HMCN1: variants seen among roughly 807,000 people sequenced by gnomAD.
HMCN1 encodes the protein hemicentin 1, also known as hemicentin-1.
A neutral mutation model predicts 625.9 loss-of-function variants in HMCN1; 321 were observed. The observed-to-expected ratio is 0.51, with a 90% CI of 0.47 to 0.56. The LOEUF is 0.56. Ranked by LOEUF, HMCN1 falls within the 20% of genes least tolerant of loss-of-function variation. The pLI is 0.00. For synonymous variants in HMCN1, 2,425 were observed against 2,417.6 expected, an observed-to-expected ratio of 1.00 and a Z score of -0.09; for missense variants, 6,588 against 6,887.3, an observed-to-expected ratio of 0.96 and a Z score of 1.54.
intron 1 of HMCN1, among the ~76,000 whole-genome samples, chr1:185,736,715 A>G (rs1317997661): frequency 1.3e-5 from 2 of 152,192 alleles, no homozygotes; most frequent in African/African-American, 2.4e-5. Context: ...CTGCCTTTCA[A>G]TTGTTACCAA....
At chr1:186,147,869 G>A (rs1571419131) in intron 93 of HMCN1, among the ~76,000 whole-genome samples, 2 of 152,330 alleles carry the variant, frequency 1.3e-5, no homozygotes, top group Admixed American at 1.3e-4. Flanking sequence ...GTTGATGGCT[G>A]CTGACTGATC....
rs571244196 is a variant in HMCN1 at position 185,953,754 on chromosome 1, G to A, written c.1829-8764G>A. On this transcript the variant is annotated intron_variant, in intron 11 of 106. Transcript: ENST00000271588. ...GGGAGGTCCCCCGATCCGAGTCACG[G>A]CACCAAATTTCATGCGCATCCGTGT... Among the ~76,000 whole-genome samples, 30 of 151,824 alleles carry A rather than the reference G, an allele frequency of 2.0e-4. 1 individual carries two copies. Among genetic ancestry groups the A allele is most frequent in the African/African-American group, 6.1e-4 (25 of 41,230 alleles).
chr1:186,081,239 C>A lies in HMCN1; in HGVS notation c.8632C>A (p.Leu2878Ile). 6.2e-7 allele frequency: 1 copy of A among 1,613,852 alleles called. No individual in the cohort carries two copies. ...PPIIKGANSD[L>I]PEEVTVLVNK... ...AATTATCAAGGGAGCAAATAGTGAT[C>A]TCCCTGAAGAGGTCACCGTGCTGGT... The change falls in exon 56 of 107, where the codon CTC becomes ATC. Residue 2878 changes from leucine to isoleucine, a missense_variant. Physicochemically the swap from Leu to Ile is conservative, Grantham distance 5 (BLOSUM62 2). Coordinates refer to ENST00000271588, the MANE Select transcript of HMCN1 (RefSeq NM_031935.3).
chr1:185,795,938 T>G (rs1032144803), intron 1 of HMCN1, among the ~76,000 whole-genome samples: 7 of 152,226 alleles, frequency 4.6e-5, no homozygotes, highest in African/African-American at 1.7e-4. Context: ...ATAGCTATGC[T>G]ACCTTATTAT....
Position 185,856,512 on chromosome 1 carries a change from T to G in HMCN1, c.340-7958T>G, listed in dbSNP as rs1325827106. ...CAAAAAAAAAAAAAAAAGGAAATTT[T>G]TTTTTGTTCAGCTTGAAACTGAGTT... is the stretch of plus-strand genomic sequence containing the variant. On this transcript the variant is annotated intron_variant, in intron 2 of 106. Coordinates refer to ENST00000271588, the MANE Select transcript of HMCN1 (RefSeq NM_031935.3). 2.6e-5 allele frequency among the ~76,000 whole-genome samples: 4 copies of G among 151,898 alleles called. No individual in the cohort carries two copies. The East Asian group carries it at 7.7e-4, about 29-fold the overall frequency.
chr1:186,115,854 C>CT (rs1661107101), intron 75 of HMCN1, among the ~76,000 whole-genome samples: 1 of 88,740 alleles, frequency 1.1e-5, no homozygotes, highest in Admixed American at 1.2e-4. Context: ...GCATTTTCTC[C>CT]ATTTTTTTTT....
intron 36 of HMCN1, among the ~76,000 whole-genome samples, chr1:186,032,584 T>G (rs1364551246): frequency 6.6e-6 from 1 of 152,120 alleles, no homozygotes; most frequent in Non-Finnish European, 1.5e-5. Flanking sequence ...TGAAGAAGAA[T>G]GTGTTTGCTT....
intron 1 of HMCN1, among the ~76,000 whole-genome samples, chr1:185,828,956 A>G (rs943555622): frequency 1.3e-5 from 2 of 152,154 alleles, no homozygotes; most frequent in Non-Finnish European, 2.9e-5. Flanking sequence ...AGCAAAATGA[A>G]GTAATAAAGC....
In HMCN1 at chr1:185,928,594, C is replaced by T. The variant is rs189175231; in HGVS notation, c.1479C>T (p.Asp493=). The change falls in exon 10 of 107, where the codon GAC becomes GAT. Residue 493 remains aspartate (D), a synonymous_variant. Coordinates refer to ENST00000271588, the MANE Select transcript of HMCN1 (RefSeq NM_031935.3). The part of the protein sequence containing the change: ...NLDIAKVTLS[D]EGFYECIAVS... The stretch of plus-strand genomic sequence containing the variant: ...ATATTGCAAAGGTCACTTTGTCTGA[C>T]GAAGGTTTCTATGAATGCATTGCTG... 3.2e-4 allele frequency: 524 copies of T among 1,613,186 alleles called. No individual in the cohort carries two copies. The highest frequency in any genetic ancestry group is 7.3e-4 in the Admixed American group (44 of 59,986).
intron 1 of HMCN1, among the ~76,000 whole-genome samples, chr1:185,781,407 T>C (rs1657093285): frequency 6.6e-6 from 1 of 152,198 alleles, no homozygotes; most frequent in South Asian, 2.1e-4. Flanking sequence ...AATGTTTTGC[T>C]CTTACTTGTC....
Position 185,970,461 on chromosome 1 carries a change from G to A in HMCN1, c.2339G>A (p.Arg780Lys), listed in dbSNP as rs369348740. 2.5e-6 allele frequency: 4 copies of A among 1,613,944 alleles called. No individual in the cohort carries two copies. Among genetic ancestry groups the A allele is most frequent in the Non-Finnish European group, 3.4e-6 (4 of 1,179,840 alleles). Residue 780 changes from arginine (R) to lysine (K), a missense_variant, in exon 15 of 107, where the codon AGA becomes AAA. Arg to Lys is a conservative substitution (Grantham distance 26). Coordinates refer to ENST00000271588, the MANE Select transcript of HMCN1 (RefSeq NM_031935.3). ...YTCVAINEAG[R>K]ATGKITLDVG... Reference sequence around the variant, plus strand: ...TGTGTAGCCATCAATGAGGCTGGAAGAGCAACTGGCAAGATAACTCTGGAT... The same window carrying A: ...TGTGTAGCCATCAATGAGGCTGGAAAAGCAACTGGCAAGATAACTCTGGAT...
At chr1:185,797,193 GTTT>G (rs1658448202) in intron 1 of HMCN1, among the ~76,000 whole-genome samples, 1 of 152,072 alleles carries the variant, frequency 6.6e-6, no homozygotes, top group Non-Finnish European at 1.5e-5. Context: ...TAATGGGGTT[GTTT>G]TTTTCCTGCT....
chr1:185,930,350 G>A (rs1667480866), intron 10 of HMCN1, among the ~76,000 whole-genome samples: 2 of 152,072 alleles, frequency 1.3e-5, no homozygotes, highest in Admixed American at 1.3e-4. Context: ...CTGTTGCCTA[G>A]TACACCAGCC....
chr1:186,050,392 C>T (rs540414536), intron 42 of HMCN1, among the ~76,000 whole-genome samples: 5 of 151,604 alleles, frequency 3.3e-5, no homozygotes, highest in Non-Finnish European at 4.4e-5. Context: ...CAGAAGAGTA[C>T]GCGATAGGAT....
At chr1:186,106,590 C>G (rs147051005) in intron 69 of HMCN1, among the ~76,000 whole-genome samples, 226 of 152,252 alleles carry the variant, frequency 1.5e-3, no homozygotes, top group African/African-American at 5.2e-3. Context: ...AGGATATAGC[C>G]TATCACATAT....
intron 11 of HMCN1, among the ~76,000 whole-genome samples, chr1:185,948,821 G>A (rs1440475695): frequency 6.6e-6 from 1 of 151,516 alleles, no homozygotes; most frequent in East Asian, 1.9e-4. Context: ...TATGGAGAGA[G>A]AATGGGCGAT....
intron 1 of HMCN1, among the ~76,000 whole-genome samples, chr1:185,784,919 G>A (rs2102185157): frequency 6.6e-6 from 1 of 152,240 alleles, no homozygotes; most frequent in East Asian, 1.9e-4. Context: ...TCTGATATCT[G>A]TCGTGGATAC....
chr1:185,735,840 T>G (rs1167428703), intron 1 of HMCN1, among the ~76,000 whole-genome samples: 3 of 152,192 alleles, frequency 2.0e-5, no homozygotes, highest in Non-Finnish European at 4.4e-5. Context: ...GAGCCCCCAT[T>G]GCCATAGCTG....
chr1:185,989,746 A>C, intron 21 of HMCN1, 99 bp downstream of exon 21: 1 of 1,110,146 alleles, frequency 9.0e-7, no homozygotes, highest in South Asian at 1.4e-5. Context: ...ATGTACCCCT[A>C]AAGTGAACTG....
Sources: allele counts gnomAD v4.1 joint callset (sites outside exome capture counted in the v4.1 genomes callset), GRCh38; gene constraint gnomAD v4.1.1; transcripts MANE v1.5; gene names NCBI Gene and HGNC (gene_info 2026-07-23, HGNC 2026-07-21).